Variants in DGKB observed in about 807,000 individuals in gnomAD.
The protein encoded by DGKB is diacylglycerol kinase beta.
In DGKB, 67 loss-of-function variants were observed where a neutral mutation model predicts 114.3. That is an observed-to-expected ratio of 0.59 (90% CI 0.48 to 0.72). DGKB has a LOEUF of 0.72. DGKB is among the 30% of genes least tolerant of loss of function. The probability of loss-of-function intolerance (pLI) is 0.00; values close to 1 mark genes in which losing one functional copy is unlikely to be tolerated. For synonymous variants in DGKB, 398 were observed against 323.1 expected (o/e 1.23, Z -2.49); for missense variants, 907 against 975.2 (o/e 0.93, Z 0.93).
At chr7:14,360,396 G>T (rs1815479776) in intron 21 of DGKB, among the ~76,000 whole-genome samples, 1 of 151,540 alleles carries the variant, frequency 6.6e-6, no homozygotes, top group Non-Finnish European at 1.5e-5. Flanking sequence ...AAGCTAACAT[G>T]GCACATGTAT....
Position 14,823,770 on chromosome 7 carries a change from C to T in DGKB, c.70+17424G>A, listed in dbSNP as rs141641698. Among the ~76,000 whole-genome samples, 254 of 152,242 alleles carry T rather than the reference C, an allele frequency of 1.7e-3. 1 individual carries two copies. Among genetic ancestry groups the T allele is most frequent in the African/African-American group, 5.7e-3 (238 of 41,552 alleles). ...TGCTTCTCCATATACTGCAGGTTAC[C>T]TAAAAGGAATTCATATAGCTTTTAA... On this transcript the variant is annotated intron_variant, in intron 2 of 25. Coordinates refer to ENST00000402815, the MANE Select transcript of DGKB (RefSeq NM_001350709.2).
intron 23 of DGKB, among the ~76,000 whole-genome samples, chr7:14,320,858 A>C (rs1381219321): frequency 6.6e-6 from 1 of 152,174 alleles, no homozygotes; most frequent in African/African-American, 2.4e-5. Flanking sequence ...GATAGGAAAA[A>C]TAATTCATGA....
intron 2 of DGKB, among the ~76,000 whole-genome samples, chr7:14,811,007 T>C (rs947626996): frequency 2.0e-5 from 3 of 152,180 alleles, no homozygotes; most frequent in Non-Finnish European, 2.9e-5. Flanking sequence ...GTGTGGCTAG[T>C]GGCTACCATT....
chr7:14,802,995 A>G (rs7788757), intron 2 of DGKB, among the ~76,000 whole-genome samples: 50,890 of 152,030 alleles, frequency 0.33, 10,975 homozygotes, highest in African/African-American at 0.61. Context: ...TAATAAACAA[A>G]GCACGTAAGG....
intron 15 of DGKB, among the ~76,000 whole-genome samples, chr7:14,616,455 G>A (rs1300435183): frequency 6.6e-6 from 1 of 151,534 alleles, no homozygotes; most frequent in Non-Finnish European, 1.5e-5. Flanking sequence ...AAACAATTGT[G>A]AAATAATATG....
chr7:14,953,030 C>G (rs952106358), intron 1 of DGKB, among the ~76,000 whole-genome samples: 1 of 151,976 alleles, frequency 6.6e-6, no homozygotes, highest in Non-Finnish European at 1.5e-5. Context: ...TAGACCCCTA[C>G]CTACCTCACA....
At chr7:14,765,910 C>A (rs973818930) in intron 2 of DGKB, among the ~76,000 whole-genome samples, 6 of 151,840 alleles carry the variant, frequency 4.0e-5, no homozygotes, top group African/African-American at 7.2e-5. Context: ...GTAGTGTTTG[C>A]CAATTGCTGT....
chr7:14,927,466 A>C (rs1784802261), intron 1 of DGKB, among the ~76,000 whole-genome samples: 2 of 151,730 alleles, frequency 1.3e-5, no homozygotes, highest in Admixed American at 6.6e-5. Flanking sequence ...TGAGGATGCT[A>C]GGTAGGTTTT....
intron 1 of DGKB, among the ~76,000 whole-genome samples, chr7:14,973,747 G>A (rs1031118859): frequency 1.2e-4 from 18 of 148,696 alleles, no homozygotes; most frequent in South Asian, 4.2e-4. Context: ...TATATATGAC[G>A]CATAACAGTC....
At chr7:14,910,242 A>AAAAGAAAGAAAGAAAGAAAG (rs61063816) in intron 1 of DGKB, among the ~76,000 whole-genome samples, 23 of 110,076 alleles carry the variant, frequency 2.1e-4, no homozygotes, top group East Asian at 8.0e-4. Flanking sequence ...CTCCATCAAA[A>AAAAGAAAGAAAGAAAGAAAG]AAAGAAAGAA....
intron 13 of DGKB, among the ~76,000 whole-genome samples, chr7:14,657,369 G>C (rs1816064833): frequency 6.6e-6 from 1 of 151,662 alleles, no homozygotes; most frequent in South Asian, 2.1e-4. Flanking sequence ...GAAAAATGAG[G>C]TTTCTTTTTG....
intron 20 of DGKB, among the ~76,000 whole-genome samples, chr7:14,515,540 T>C (rs10244094): frequency 0.35 from 53,057 of 152,014 alleles, 9,884 homozygotes; most frequent in Admixed American, 0.46. Flanking sequence ...TAAAGTTGGA[T>C]ATCAACAGAT....
At chr7:14,255,514 A>T (rs2128400055) in intron 23 of DGKB, among the ~76,000 whole-genome samples, 1 of 152,310 alleles carries the variant, frequency 6.6e-6, no homozygotes, top group Non-Finnish European at 1.5e-5. Context: ...GCACTGTGAA[A>T]CACGAAGCAC....
At chr7:14,694,945 G>A (rs1354448390) in intron 8 of DGKB, among the ~76,000 whole-genome samples, 1 of 152,130 alleles carries the variant, frequency 6.6e-6, no homozygotes, top group African/African-American at 2.4e-5. Flanking sequence ...GGAAAGCAAA[G>A]TACTTCCCAT....
At chr7:14,922,878 A>G (rs1033598298) in intron 1 of DGKB, among the ~76,000 whole-genome samples, 3 of 152,168 alleles carry the variant, frequency 2.0e-5, no homozygotes, top group South Asian at 2.1e-4. Flanking sequence ...TGAAACATCT[A>G]TTCTTTCAGC....
At chr7:14,731,623 T>C (rs1830936763) in intron 5 of DGKB, among the ~76,000 whole-genome samples, 2 of 152,176 alleles carry the variant, frequency 1.3e-5, no homozygotes, top group African/African-American at 4.8e-5. Flanking sequence ...AGTGTTCAAG[T>C]TGTAGGGACT....
chr7:14,481,213 A>G (rs566822351), intron 20 of DGKB, among the ~76,000 whole-genome samples: 1 of 152,114 alleles, frequency 6.6e-6, no homozygotes, highest in African/African-American at 2.4e-5. Flanking sequence ...CTTGATCACT[A>G]GTATTTTTCT....
intron 13 of DGKB, among the ~76,000 whole-genome samples, chr7:14,645,089 T>C (rs938259716): frequency 2.0e-5 from 3 of 152,130 alleles, no homozygotes; most frequent in African/African-American, 7.2e-5. Context: ...GCCTTTTAAC[T>C]AATCAAATGA....
intron 5 of DGKB, among the ~76,000 whole-genome samples, chr7:14,720,504 T>C (rs1828984297): frequency 6.6e-6 from 1 of 150,478 alleles, no homozygotes; most frequent in South Asian, 2.1e-4. Context: ...TGTGTGTGTG[T>C]GTGTGTGTGT....
Sources: gnomAD v4.1 joint callset for allele counts (sites outside exome capture counted in the v4.1 genomes callset) on GRCh38, gnomAD v4.1.1 for gene constraint, MANE v1.5 for transcripts, NCBI Gene and HGNC (gene_info 2026-07-23, HGNC 2026-07-21) for gene names.